The following SLC4A4 variants were observed in gnomAD, a reference collection of about 807,000 sequenced individuals.
SLC4A4 encodes the protein electrogenic sodium bicarbonate cotransporter 1.
A neutral mutation model predicts 111.5 loss-of-function variants in SLC4A4; 27 were observed. That is an observed-to-expected ratio of 0.24 (90% CI 0.18 to 0.33). The LOEUF is 0.33. SLC4A4 is among the 10% of genes least tolerant of loss of function. SLC4A4 has a pLI of 1.00. For synonymous variants in SLC4A4, 443 were observed against 463.4 expected (o/e 0.96, Z 0.57); for missense variants, 909 against 1,315.5 (o/e 0.69, Z 4.78).
At chr4:71,249,614 C>T (rs768080908) in intron 2 of SLC4A4, among the ~76,000 whole-genome samples, 7 of 152,060 alleles carry the variant, frequency 4.6e-5, no homozygotes, top group South Asian at 2.1e-4. Flanking sequence ...TTTGGCTGAG[C>T]GTGGTGGCTT....
chr4:71,455,867 C>T (rs1024632335), intron 12 of SLC4A4, among the ~76,000 whole-genome samples: 1 of 152,082 alleles, frequency 6.6e-6, no homozygotes, highest in Non-Finnish European at 1.5e-5. Context: ...GATGGATGAA[C>T]TTCTTTATGA....
At chr4:71,179,935 T>C (rs1441676195) in intron 2 of SLC4A4, among the ~76,000 whole-genome samples, 2 of 152,130 alleles carry the variant, frequency 1.3e-5, no homozygotes, top group Non-Finnish European at 2.9e-5. Context: ...GGCATCACAC[T>C]ACCTGACTTC....
rs1427462810 is a variant in SLC4A4, at chr4:71,570,785, C to T, written c.*3034C>T. On this transcript the variant is annotated 3_prime_UTR_variant, in exon 26 of 26. Transcript: ENST00000264485. The stretch of plus-strand genomic sequence containing the variant: ...GGTTTTGTGTTTGGGAGAAAAGTAT[C>T]TTGGACGCACTGTTTTCCTTGATAA... 6.6e-6 allele frequency: 1 copy of T among 151,764 alleles called. No homozygotes were observed. The highest frequency in any genetic ancestry group is 1.9e-4 in the East Asian group (1 of 5,130). 9.4% of individuals were successfully genotyped at this position (151,764 alleles called of 1,614,324 possible). A position where few individuals can be genotyped will look rare whatever the true frequency, so the allele number is the denominator to read the frequency against.
At chr4:71,462,312 T>C (rs1726905791) in intron 12 of SLC4A4, among the ~76,000 whole-genome samples, 1 of 151,996 alleles carries the variant, frequency 6.6e-6, no homozygotes, top group Non-Finnish European at 1.5e-5. Flanking sequence ...TGGTCACTGG[T>C]AGAACTGAGA....
chr4:71,389,817 C>A (rs1249890782), intron 6 of SLC4A4, among the ~76,000 whole-genome samples: 1 of 152,176 alleles, frequency 6.6e-6, no homozygotes, highest in Non-Finnish European at 1.5e-5. Context: ...GCTATAACTA[C>A]AATCAAGACA....
intron 7 of SLC4A4, among the ~76,000 whole-genome samples, chr4:71,413,898 C>T (rs1721611183): frequency 6.6e-6 from 1 of 152,124 alleles, no homozygotes; most frequent in Admixed American, 6.5e-5. Flanking sequence ...ATCTCTTCCC[C>T]CTTGTGCTTA....
intron 1 of SLC4A4, among the ~76,000 whole-genome samples, chr4:71,196,497 T>C (rs1394343967): frequency 1.3e-5 from 2 of 152,190 alleles, no homozygotes; most frequent in Non-Finnish European, 2.9e-5. Flanking sequence ...TACCTATTTT[T>C]ATTGCCAAAA....
intron 16 of SLC4A4, among the ~76,000 whole-genome samples, chr4:71,505,057 A>G (rs956660492): frequency 6.6e-6 from 1 of 152,286 alleles, no homozygotes; most frequent in African/African-American, 2.4e-5. Flanking sequence ...AAAGGACATG[A>G]TCTTGTTCCA....
At chr4:71,313,338 A>C (rs1184400850) in intron 3 of SLC4A4, among the ~76,000 whole-genome samples, 2 of 152,226 alleles carry the variant, frequency 1.3e-5, no homozygotes, top group Non-Finnish European at 2.9e-5. Context: ...ATATCGTGAA[A>C]ATGGCCATAT....
At chr4:71,204,050 A>G (rs1475748025) in intron 1 of SLC4A4, among the ~76,000 whole-genome samples, 1 of 152,204 alleles carries the variant, frequency 6.6e-6, no homozygotes, top group Non-Finnish European at 1.5e-5. Flanking sequence ...TTTCACCCAC[A>G]GGTCACTCAA....
intron 2 of SLC4A4, among the ~76,000 whole-genome samples, chr4:71,240,222 T>A (rs190976330): frequency 1.4e-4 from 22 of 152,362 alleles, no homozygotes; most frequent in Non-Finnish European, 2.8e-4. Context: ...ATTTTGGATC[T>A]GTATGATATA....
Position 71,369,147 on chromosome 4 carries a change from A to G in SLC4A4, c.730+11960A>G, listed in dbSNP as rs1012843988. Among the ~76,000 whole-genome samples, 42 of 152,154 alleles carry G rather than the reference A, an allele frequency of 2.8e-4. 1 individual carries two copies. The highest frequency in any genetic ancestry group is 2.1e-3 in the Admixed American group (32 of 15,274). ...CAGCGTGGGATGGCTAAGTAAGTCAATGGCTGGGGAAAGGGCAAGGAAGGT... is the reference window on the plus strand; with the variant it reads ...CAGCGTGGGATGGCTAAGTAAGTCAGTGGCTGGGGAAAGGGCAAGGAAGGT... On this transcript the variant is annotated intron_variant, in intron 6 of 25. Transcript: ENST00000264485.
At chr4:71,475,043 A>G (rs372600675) in intron 14 of SLC4A4, among the ~76,000 whole-genome samples, 13 of 151,960 alleles carry the variant, frequency 8.6e-5, no homozygotes, top group South Asian at 2.1e-4. Context: ...ACAAACATTT[A>G]ATTGTGAGAT....
intron 1 of SLC4A4, among the ~76,000 whole-genome samples, chr4:71,221,434 C>G (rs147226938): frequency 2.2e-3 from 336 of 152,252 alleles, no homozygotes; most frequent in African/African-American, 7.9e-3. Context: ...ATGACAAGCT[C>G]AGGGCATTTT....
intron 2 of SLC4A4, among the ~76,000 whole-genome samples, chr4:71,254,090 G>C (rs1201713813): frequency 6.6e-6 from 1 of 152,176 alleles, no homozygotes; most frequent in Non-Finnish European, 1.5e-5. Context: ...TTGCATGTAG[G>C]TACGTGATAT....
chr4:71,120,634 G>A (rs764884971), intron 2 of SLC4A4, among the ~76,000 whole-genome samples: 17 of 152,184 alleles, frequency 1.1e-4, no homozygotes, highest in Non-Finnish European at 1.6e-4. Context: ...TTGGGAGGCC[G>A]AGGTGGGAGG....
chr4:71,457,187 A>G (rs1726349078), intron 12 of SLC4A4, among the ~76,000 whole-genome samples: 3 of 152,182 alleles, frequency 2.0e-5, no homozygotes, highest in South Asian at 2.1e-4. Context: ...TAGAGCATAT[A>G]TATACACATA....
intron 3 of SLC4A4, among the ~76,000 whole-genome samples, chr4:71,266,697 T>A (rs766683823): frequency 8.5e-5 from 13 of 152,180 alleles, no homozygotes; most frequent in Admixed American, 3.9e-4. Flanking sequence ...TGTAAGCTTG[T>A]AAGCTTGTCA....
At chr4:71,491,203 G>C (rs1578030205) in intron 15 of SLC4A4, among the ~76,000 whole-genome samples, 2 of 151,882 alleles carry the variant, frequency 1.3e-5, no homozygotes, top group Middle Eastern at 6.8e-3. Flanking sequence ...TAAGATTTCA[G>C]ATTACTGCAA....
Sources: allele counts gnomAD v4.1 joint callset (sites outside exome capture counted in the v4.1 genomes callset), GRCh38; gene constraint gnomAD v4.1.1; transcripts MANE v1.5; gene names NCBI Gene and HGNC (gene_info 2026-07-23, HGNC 2026-07-21).